CNTN5: variants seen among roughly 807,000 people sequenced by gnomAD.
CNTN5 encodes the protein contactin 5.
A neutral mutation model predicts 129.1 loss-of-function variants in CNTN5; 77 were observed. The ratio of observed to expected loss-of-function variants is 0.60; its 90% confidence interval spans 0.50 to 0.72. The LOEUF is 0.72. Among genes scored for constraint, CNTN5 ranks in the 30% least tolerant of loss-of-function variants. The probability of loss-of-function intolerance (pLI) is 0.00; values close to 1 mark genes in which losing one functional copy is unlikely to be tolerated. For synonymous variants in CNTN5, 509 were observed against 465.6 expected, an observed-to-expected ratio of 1.09 and a Z score of -1.20; for missense variants, 1,478 against 1,328.8, an observed-to-expected ratio of 1.11 and a Z score of -1.75.
Position 100,175,697 on chromosome 11 carries a change from G to T in CNTN5, c.1581-15429G>T, listed in dbSNP as rs545548241. On this transcript the variant is annotated intron_variant, in intron 13 of 24. Transcript: ENST00000524871. The stretch of plus-strand genomic sequence containing the variant: ...CCACTTGCTAAATAACCTTGAACAA[G>T]GTAGTAAGTCATACTGAGCCACATT... Among the ~76,000 whole-genome samples the T allele has an allele frequency of 5.3e-5, 8 of 152,204 alleles. No individual in the cohort carries two copies. In the South Asian group the frequency reaches 1.4e-3, roughly 28 times the overall value.
chr11:99,167,116 G>C lies in CNTN5; in HGVS notation c.-210+145846G>C, dbSNP rs1860911872. Among the ~76,000 whole-genome samples the C allele has an allele frequency of 2.0e-5, 3 of 151,934 alleles. No individual in the cohort carries two copies. The South Asian group carries it at 6.2e-4, about 32-fold the overall frequency. ...TCTGAAGTTTTACAGCCAAATTTAA[G>C]AATGAACCATAATTTTTATAAATAA... On this transcript the variant is annotated intron_variant, in intron 1 of 24. Transcript: ENST00000524871.
At chr11:99,080,615 T>G (rs1475067666) in intron 1 of CNTN5, among the ~76,000 whole-genome samples, 1 of 152,128 alleles carries the variant, frequency 6.6e-6, no homozygotes, top group African/African-American at 2.4e-5. Flanking sequence ...TCCCCTTAAG[T>G]GGCCAGAACA....
At chr11:99,753,620 G>C (rs1944309539) in intron 3 of CNTN5, among the ~76,000 whole-genome samples, 1 of 137,968 alleles carries the variant, frequency 7.2e-6, no homozygotes, top group East Asian at 2.1e-4. Context: ...ACAGTTTTAA[G>C]CAGATGTGAG....
intron 6 of CNTN5, among the ~76,000 whole-genome samples, chr11:99,910,206 C>T (rs1188300532): frequency 6.6e-6 from 1 of 151,966 alleles, no homozygotes; most frequent in Admixed American, 6.6e-5. Context: ...ACATAATAAG[C>T]CCTCCCATAT....
At position 99,783,063 on chromosome 11, in the gene CNTN5, C is replaced by T. The variant is rs1274949045; in HGVS notation, c.56-36481C>T. Reference sequence around the variant, plus strand: ...CCTACAAAATGGGAGAAAATTTTCGCAACCTACTCATCTGACAAAGGGCTA... The same window carrying T: ...CCTACAAAATGGGAGAAAATTTTCGTAACCTACTCATCTGACAAAGGGCTA... On this transcript the variant is annotated intron_variant, in intron 3 of 24. Coordinates refer to ENST00000524871, the MANE Select transcript of CNTN5 (RefSeq NM_014361.4). Among the ~76,000 whole-genome samples, 1,181 of 142,294 alleles carry T rather than the reference C, an allele frequency of 8.3e-3. 8 individuals are homozygous for T. The highest frequency in any genetic ancestry group is 0.014 in the Non-Finnish European group (927 of 65,566). The allele number at this position is 142,294 out of a possible 152,430, so 93.4% of individuals were successfully genotyped here.
intron 3 of CNTN5, among the ~76,000 whole-genome samples, chr11:99,768,247 C>T (rs1944823742): frequency 6.6e-6 from 1 of 152,076 alleles, no homozygotes; most frequent in African/African-American, 2.4e-5. Flanking sequence ...TAGTTATATA[C>T]ATCCACAGAT....
intron 1 of CNTN5, among the ~76,000 whole-genome samples, chr11:99,216,465 G>T (rs1176533043): frequency 3.9e-4 from 60 of 152,122 alleles, no homozygotes; most frequent in Non-Finnish European, 7.3e-5. Flanking sequence ...AAGCCTGGGA[G>T]TGCCGATATC....
At chr11:99,496,419 A>G (rs149992523) in intron 2 of CNTN5, among the ~76,000 whole-genome samples, 1,674 of 152,280 alleles carry the variant, frequency 0.011, 18 homozygotes, top group Non-Finnish European at 0.015. Context: ...GACCTCATAA[A>G]TCTAAGGAGA....
intron 8 of CNTN5, among the ~76,000 whole-genome samples, chr11:99,986,311 A>G (rs1938673400): frequency 6.6e-6 from 1 of 152,172 alleles, no homozygotes. Context: ...TCATGATTAT[A>G]TCCATATAGC....
chr11:99,414,550 T>C (rs763949508), intron 2 of CNTN5, among the ~76,000 whole-genome samples: 75 of 152,088 alleles, frequency 4.9e-4, no homozygotes, highest in South Asian at 1.2e-3. Flanking sequence ...CAAATACATA[T>C]ACAGTATGTC....
chr11:99,978,125 AT>A (rs1464902300), intron 8 of CNTN5, among the ~76,000 whole-genome samples: 4 of 152,180 alleles, frequency 2.6e-5, no homozygotes, highest in Non-Finnish European at 5.9e-5. Context: ...TTGTGTCTTT[AT>A]TTTTAACAAA....
intron 9 of CNTN5, among the ~76,000 whole-genome samples, chr11:100,046,216 C>G (rs1258991816): frequency 6.6e-6 from 1 of 152,108 alleles, no homozygotes; most frequent in African/African-American, 2.4e-5. Flanking sequence ...GCATCAAACA[C>G]TTTTGGTCTA....
rs532937138 is a variant in CNTN5, at chr11:100,179,533, A to G, written c.1581-11593A>G. Among the ~76,000 whole-genome samples the G allele has an allele frequency of 1.9e-4, 29 of 152,252 alleles. No homozygotes were observed. In the South Asian group the frequency reaches 5.8e-3, roughly 30 times the overall value. On this transcript the variant is annotated intron_variant, in intron 13 of 24. Coordinates refer to ENST00000524871, the MANE Select transcript of CNTN5 (RefSeq NM_014361.4). ...ATAAGATAAAAATAGCCAAATAATG[A>G]AAATTTTCTATAGTTCAACCAAATA...
At chr11:100,226,748 T>A (rs959847624) in intron 16 of CNTN5, among the ~76,000 whole-genome samples, 3 of 150,262 alleles carry the variant, frequency 2.0e-5, no homozygotes, top group Admixed American at 2.0e-4. Flanking sequence ...GAACTAAGAG[T>A]TCTGGTTCTC....
chr11:100,047,796 A>T (rs1381933350), intron 9 of CNTN5, among the ~76,000 whole-genome samples: 1 of 152,074 alleles, frequency 6.6e-6, no homozygotes, highest in Non-Finnish European at 1.5e-5. Context: ...TCAGTGTGAG[A>T]GGACATTATC....
rs572385033 is a variant in CNTN5 at position 99,762,586 on chromosome 11, C to A, written c.56-56958C>A. ...AGATCAGATAGTTGTAGATATGCGGCGTTATTTCTGAGGGCTCTGTTCTGT... is the reference window on the plus strand; with the variant it reads ...AGATCAGATAGTTGTAGATATGCGGAGTTATTTCTGAGGGCTCTGTTCTGT... On this transcript the variant is annotated intron_variant, in intron 3 of 24. Coordinates refer to ENST00000524871, the MANE Select transcript of CNTN5 (RefSeq NM_014361.4). 3.0e-4 allele frequency among the ~76,000 whole-genome samples: 46 copies of A among 151,958 alleles called. 1 individual carries two copies. The South Asian group carries it at 7.7e-3, about 25-fold the overall frequency.
intron 3 of CNTN5, among the ~76,000 whole-genome samples, chr11:99,761,304 T>G (rs569416175): frequency 6.6e-6 from 1 of 152,296 alleles, no homozygotes; most frequent in Non-Finnish European, 1.5e-5. Flanking sequence ...TTAGGGTACG[T>G]GTGCACATTG....
chr11:100,070,329 TA>T (rs1008258274), intron 10 of CNTN5, 94 bp from the exon 11 acceptor site: 1 of 1,326,970 alleles, frequency 7.5e-7, no homozygotes. Context: ...GAATTGCTTT[TA>T]AAAAAATACG....
chr11:100,043,854 G>T (rs960499062), intron 9 of CNTN5, among the ~76,000 whole-genome samples: 1 of 130,932 alleles, frequency 7.6e-6, no homozygotes, highest in Non-Finnish European at 1.7e-5. Flanking sequence ...TTCTAATTAG[G>T]TCATAAATTC....
Sources: allele counts gnomAD v4.1 joint callset (sites outside exome capture counted in the v4.1 genomes callset), GRCh38; gene constraint gnomAD v4.1.1; transcripts MANE v1.5; gene names NCBI Gene and HGNC (gene_info 2026-07-23, HGNC 2026-07-21).